The following SGCD variants were observed in gnomAD, a reference collection of about 807,000 sequenced individuals.
SGCD encodes sarcoglycan delta, also known as delta-sarcoglycan.
A neutral mutation model predicts 36.6 loss-of-function variants in SGCD; 18 were observed. That is an observed-to-expected ratio of 0.49 (90% CI 0.34 to 0.73). The LOEUF (loss-of-function observed/expected upper bound fraction) is 0.73. SGCD is among the 30% of genes least tolerant of loss of function. SGCD has a pLI of 0.01. For synonymous variants in SGCD, 133 were observed against 130.6 expected (o/e 1.02, Z -0.12); for missense variants, 387 against 346.7 (o/e 1.12, Z -0.92).
rs4434364 is a variant in SGCD, at chr5:156,344,763, A to G, written c.192+86A>G. ...TGATGAAGGAATGTGGAAAAGTGAT[A>G]TTATTACAGTAGGACTCAAAAAATC... On this transcript the variant is annotated intron_variant, in intron 3 of 8. Transcript: ENST00000337851. 764,097 of 1,027,328 alleles carry G rather than the reference A, an allele frequency of 0.74. 287,518 individuals carry two copies. Among genetic ancestry groups the G allele is most frequent in the East Asian group, 0.93 (36,704 of 39,602 alleles). 63.6% of individuals were successfully genotyped at this position (1,027,328 alleles called of 1,614,324 possible).
At chr5:155,923,099 T>TG (rs1371140776) in intron 1 of SGCD, among the ~76,000 whole-genome samples, 1 of 152,180 alleles carries the variant, frequency 6.6e-6, no homozygotes, top group Non-Finnish European at 1.5e-5. Context: ...GCTTCAAATA[T>TG]GGGGGTTTCA....
intron 3 of SGCD, among the ~76,000 whole-genome samples, chr5:156,220,608 G>C (rs1764693986): frequency 6.6e-6 from 1 of 152,090 alleles, no homozygotes; most frequent in Admixed American, 6.6e-5. Flanking sequence ...GGAAAATAAG[G>C]AGAGCCCTAG....
chr5:155,784,028 A>T, the SGCD span, among the ~76,000 whole-genome samples: 3 of 152,180 alleles, frequency 2.0e-5, no homozygotes, highest in East Asian at 3.9e-4. Flanking sequence ...AATATGAGCC[A>T]CTGTAGTCAG....
intron 1 of SGCD, among the ~76,000 whole-genome samples, chr5:156,005,039 C>T (rs905096300): frequency 6.6e-6 from 1 of 152,128 alleles, no homozygotes; most frequent in Admixed American, 6.5e-5. Context: ...GTGCTGCTTC[C>T]CCGAAGTAGG....
intron 3 of SGCD, among the ~76,000 whole-genome samples, chr5:156,469,706 A>G (rs924671422): frequency 1.3e-5 from 2 of 152,198 alleles, no homozygotes; most frequent in African/African-American, 4.8e-5. Context: ...ACACACTGTC[A>G]TTGCTAGTTT....
intron 4 of SGCD, among the ~76,000 whole-genome samples, chr5:156,570,602 G>C (rs1365971739): frequency 6.6e-6 from 1 of 152,098 alleles, no homozygotes; most frequent in African/African-American, 2.4e-5. Context: ...CTTAAATACT[G>C]TTTTGTCTAA....
intron 6 of SGCD, 140 bp downstream of exon 6, chr5:156,595,191 A>G: frequency 9.7e-7 from 1 of 1,027,696 alleles, no homozygotes; most frequent in Non-Finnish European, 1.4e-6. Context: ...TGGTATTAGG[A>G]GGTGGAGCCT....
intron 1 of SGCD, among the ~76,000 whole-genome samples, chr5:155,903,969 C>T (rs991713143): frequency 3.3e-5 from 5 of 152,170 alleles, no homozygotes; most frequent in African/African-American, 9.7e-5. Context: ...CAGCTGACTT[C>T]TGCTAGCCTG....
intron 4 of SGCD, among the ~76,000 whole-genome samples, chr5:156,588,169 A>C (rs1760573932): frequency 6.6e-6 from 1 of 151,934 alleles, no homozygotes; most frequent in Admixed American, 6.6e-5. Flanking sequence ...CTTCTAAACC[A>C]AGTGTTAGCA....
intron 7 of SGCD, among the ~76,000 whole-genome samples, chr5:156,702,603 C>G (rs749269763): frequency 1.3e-5 from 2 of 152,110 alleles, no homozygotes; most frequent in African/African-American, 2.4e-5. Flanking sequence ...GCTGCCAAGT[C>G]AAATGGCTTT....
intron 3 of SGCD, among the ~76,000 whole-genome samples, chr5:156,365,952 G>A (rs938203344): frequency 6.6e-6 from 1 of 152,078 alleles, no homozygotes; most frequent in Non-Finnish European, 1.5e-5. Context: ...GCATAAATAT[G>A]TACCTTCTAT....
At chr5:156,558,747 AGAT>A (rs749656865) in intron 4 of SGCD, among the ~76,000 whole-genome samples, 10 of 152,202 alleles carry the variant, frequency 6.6e-5, no homozygotes, top group Non-Finnish European at 1.3e-4. Context: ...TAAGTGAATA[AGAT>A]GATACTGTGT....
At position 156,310,187 on chromosome 5, in the gene SGCD, A is replaced by G. The variant is rs113637866; in HGVS notation, c.-43-19347A>G. Among the ~76,000 whole-genome samples, 438 of 152,280 alleles carry G rather than the reference A, an allele frequency of 2.9e-3. 4 individuals carry two copies. The highest frequency in any genetic ancestry group is 1.0e-2 in the African/African-American group (414 of 41,544). On this transcript the variant is annotated intron_variant, in intron 3 of 9. Coordinates refer to the SGCD transcript ENST00000517913. ...CATGCAGTTGCTTTTGAATTTGAAT[A>G]TCCTAGTCTTTAATGCTTGACTCCC...
chr5:156,750,669 T>C (rs547354437), intron 7 of SGCD, among the ~76,000 whole-genome samples: 5 of 143,886 alleles, frequency 3.5e-5, no homozygotes, highest in Non-Finnish European at 7.7e-5. Flanking sequence ...AAAAGAAAAA[T>C]ATAAAACTTT....
At chr5:156,187,777 C>T (rs1021056749) in intron 3 of SGCD, among the ~76,000 whole-genome samples, 1 of 152,000 alleles carries the variant, frequency 6.6e-6, no homozygotes, top group African/African-American at 2.4e-5. Flanking sequence ...TGGAACTGGC[C>T]AGAGATGATG....
chr5:156,374,719 T>C (rs1580892206), intron 3 of SGCD, among the ~76,000 whole-genome samples: 1 of 145,034 alleles, frequency 6.9e-6, no homozygotes, highest in Non-Finnish European at 1.5e-5. Context: ...TGGAGTGCAG[T>C]GGTGCGATCT....
chr5:156,458,849 C>A (rs953674394), intron 3 of SGCD, among the ~76,000 whole-genome samples: 5 of 152,122 alleles, frequency 3.3e-5, no homozygotes, highest in Non-Finnish European at 5.9e-5. Flanking sequence ...CATGGTGAGT[C>A]TTCAGTGGAT....
intron 3 of SGCD, among the ~76,000 whole-genome samples, chr5:156,278,879 G>T (rs576692813): frequency 1.3e-5 from 2 of 152,220 alleles, no homozygotes; most frequent in East Asian, 1.9e-4. Flanking sequence ...TTTTCATTTT[G>T]CAGATTATCA....
rs79892221 is a variant in SGCD at position 156,510,389 on chromosome 5, T to C, written c.294+1687T>C. Among the ~76,000 whole-genome samples, 1,198 of 152,288 alleles carry C rather than the reference T, an allele frequency of 7.9e-3. 16 individuals are homozygous for C. Among genetic ancestry groups the C allele is most frequent in the African/African-American group, 0.027 (1,115 of 41,566 alleles). On this transcript the variant is annotated intron_variant, in intron 4 of 8. Transcript: ENST00000337851. ...GACAGTTTAAAGCATTTAAAAAATATCTGTTATATGCATTGCTCTTAATTT... is the reference window on the plus strand; with the variant it reads ...GACAGTTTAAAGCATTTAAAAAATACCTGTTATATGCATTGCTCTTAATTT...
Sources: allele counts gnomAD v4.1 joint callset (sites outside exome capture counted in the v4.1 genomes callset), GRCh38; gene constraint gnomAD v4.1.1; transcripts MANE v1.5; gene names NCBI Gene and HGNC (gene_info 2026-07-23, HGNC 2026-07-21).